The following PDE2A variants were observed in gnomAD, a reference collection of about 807,000 sequenced individuals.
PDE2A encodes the protein cGMP-dependent 3',5'-cyclic phosphodiesterase.
Under a neutral mutation model 133.6 loss-of-function variants are expected in PDE2A, and 53 were observed. That is an observed-to-expected ratio of 0.40 (90% CI 0.32 to 0.50). The LOEUF (loss-of-function observed/expected upper bound fraction) is 0.50. PDE2A is among the 20% of genes least tolerant of loss of function. The pLI, the probability that PDE2A is intolerant of heterozygous loss-of-function variation, is 0.73. For synonymous variants in PDE2A, 491 were observed against 490.2 expected (o/e 1.00, Z -0.02); for missense variants, 796 against 1,232.4 (o/e 0.65, Z 5.30).
intron 1 of PDE2A, among the ~76,000 whole-genome samples, chr11:72,672,756 T>C (rs187841229): frequency 7.2e-5 from 11 of 151,988 alleles, no homozygotes; most frequent in African/African-American, 2.7e-4. Context: ...AGCTATTTTA[T>C]GTCTAAGAAG....
At chr11:72,599,680 A>G (rs1856649972) in intron 4 of PDE2A, among the ~76,000 whole-genome samples, 1 of 152,216 alleles carries the variant, frequency 6.6e-6, no homozygotes, top group Non-Finnish European at 1.5e-5. Context: ...CAGAGCAAGA[A>G]TAAGTGTTCT....
intron 2 of PDE2A, among the ~76,000 whole-genome samples, chr11:72,641,485 T>C (rs183607619): frequency 6.6e-6 from 1 of 152,090 alleles, no homozygotes; most frequent in Non-Finnish European, 1.5e-5. Context: ...GAGACCAAGA[T>C]AGACCAAGAG....
chr11:72,667,253 A>G lies in PDE2A; in HGVS notation c.71+6884T>C, dbSNP rs1374321977. ...GAAGCTCACATTCAGGTACACATACACACACTGAGACACAAGCAATATCCC... is the reference window on the plus strand; with the variant it reads ...GAAGCTCACATTCAGGTACACATACGCACACTGAGACACAAGCAATATCCC... On this transcript the variant is annotated intron_variant, in intron 1 of 30. Coordinates refer to ENST00000334456, the MANE Select transcript of PDE2A (RefSeq NM_002599.5). Among the ~76,000 whole-genome samples the G allele has an allele frequency of 3.3e-5, 5 of 152,306 alleles. 1 individual carries two copies. Among genetic ancestry groups the G allele is most frequent in the Admixed American group, 2.6e-4 (4 of 15,298 alleles).
chr11:72,591,488 T>A (rs910883093), intron 6 of PDE2A, 132 bp from the exon 7 acceptor site: 1 of 689,340 alleles, frequency 1.5e-6, no homozygotes, highest in African/African-American at 1.7e-5. Flanking sequence ...GCCTCAGTGA[T>A]AACCCCATCT....
At position 72,590,673 on chromosome 11, in the gene PDE2A, T is replaced by C. The variant is rs917770835; in HGVS notation, c.550-93A>G. 7.3e-5 allele frequency: 87 copies of C among 1,191,298 alleles called. No homozygotes were observed. The highest frequency in any genetic ancestry group is 2.4e-4 in the Admixed American group (6 of 25,100). The allele number at this position is 1,191,298 out of a possible 1,614,324, so 73.8% of individuals were successfully genotyped here. On this transcript the variant is annotated intron_variant, in intron 7 of 30. Coordinates refer to ENST00000334456, the MANE Select transcript of PDE2A (RefSeq NM_002599.5). The surrounding 1 kb of genome is among the most constrained non-coding windows in gnomAD (Gnocchi z 4.8). ...CTGCCTTTGCTCCCGCCGTTCCCTC[T>C]GCCTGCCGGGCCCAGGGACCCCGCC... is the stretch of plus-strand genomic sequence containing the variant.
intron 2 of PDE2A, among the ~76,000 whole-genome samples, chr11:72,622,431 T>C (rs1431497799): frequency 6.6e-6 from 1 of 152,200 alleles, no homozygotes; most frequent in Non-Finnish European, 1.5e-5. Flanking sequence ...TTACTCACAA[T>C]AGCTAAAATG....
At chr11:72,584,165 T>G in intron 19 of PDE2A, 36 bp downstream of exon 19, 22 of 268,578 alleles carry the variant, frequency 8.2e-5, no homozygotes, top group East Asian at 2.3e-4. Context: ...CCCCGCCCCC[T>G]ATCACCCCAC....
At chr11:72,664,340 A>C (rs540045382) in intron 1 of PDE2A, among the ~76,000 whole-genome samples, 1 of 148,058 alleles carries the variant, frequency 6.8e-6, no homozygotes, top group Admixed American at 6.7e-5. Flanking sequence ...TCCCCTCTAC[A>C]AAATAGGGCT....
At chr11:72,671,101 T>C (rs1273763662) in intron 1 of PDE2A, among the ~76,000 whole-genome samples, 3 of 152,150 alleles carry the variant, frequency 2.0e-5, no homozygotes, top group Non-Finnish European at 1.5e-5. Context: ...TCCTTCAAGG[T>C]CCGGCTCAAA....
chr11:72,588,526 G>A (rs777682856), intron 13 of PDE2A, among the ~76,000 whole-genome samples: 1 of 152,150 alleles, frequency 6.6e-6, no homozygotes, highest in South Asian at 2.1e-4. Context: ...TAGCAGTAAT[G>A]CAAAAACAGG....
At chr11:72,642,552 C>T (rs1242218062) in intron 1 of PDE2A, 4 of 260,106 alleles carry the variant, frequency 1.5e-5, no homozygotes, top group Non-Finnish European at 2.4e-5. Context: ...CCGCACCTCT[C>T]GGCCCGTCGG....
chr11:72,612,709 A>C (rs1857268678), intron 2 of PDE2A, among the ~76,000 whole-genome samples: 1 of 138,792 alleles, frequency 7.2e-6, no homozygotes, highest in South Asian at 2.5e-4. Flanking sequence ...TGGTGGGTGG[A>C]TAGGTAGATG....
intron 2 of PDE2A, among the ~76,000 whole-genome samples, chr11:72,622,669 A>G (rs902921576): frequency 3.3e-5 from 5 of 152,206 alleles, no homozygotes; most frequent in African/African-American, 1.2e-4. Flanking sequence ...CAGAAAGTAG[A>G]ATGGTGGGTG....
chr11:72,656,413 G>C (rs1854903430), intron 1 of PDE2A, among the ~76,000 whole-genome samples: 1 of 152,240 alleles, frequency 6.6e-6, no homozygotes, highest in South Asian at 2.1e-4. Context: ...GCCTAACTCA[G>C]CCAAAGGCTC....
At chr11:72,608,839 AG>A (rs1857084804) in intron 2 of PDE2A, 88 bp from the exon 3 acceptor site, 1 of 709,934 alleles carries the variant, frequency 1.4e-6, no homozygotes, top group African/African-American at 1.8e-5. Context: ...AAAACCCCCC[AG>A]CTTAGTCCAG....
intron 2 of PDE2A, among the ~76,000 whole-genome samples, chr11:72,620,829 G>C (rs55861597): frequency 3.3e-5 from 5 of 151,512 alleles, no homozygotes; most frequent in African/African-American, 4.9e-5. Flanking sequence ...TGGGCAGGAG[G>C]GGGTATCGCT....
intron 1 of PDE2A, among the ~76,000 whole-genome samples, chr11:72,655,304 C>T (rs1054849426): frequency 8.3e-4 from 91 of 110,014 alleles, no homozygotes; most frequent in African/African-American, 3.2e-3. Context: ...GAGGCTGCTG[C>T]CTCCCTGCAG....
intron 25 of PDE2A, chr11:72,580,036 G>C (rs1855650173): frequency 4.9e-6 from 1 of 204,630 alleles, no homozygotes; most frequent in South Asian, 1.2e-4. Flanking sequence ...GCTTATCTCA[G>C]GGGGGCAGAG....
intron 19 of PDE2A, 128 bp downstream of exon 19, chr11:72,584,073 G>A (rs980375369): frequency 1.8e-5 from 11 of 625,492 alleles, no homozygotes; most frequent in African/African-American, 1.5e-4. Context: ...GCACCCCAGC[G>A]GCGGGACTCT....
Sources: gnomAD v4.1 joint callset for allele counts (sites outside exome capture counted in the v4.1 genomes callset) on GRCh38, gnomAD v4.1.1 for gene constraint, Gnocchi (gnomAD v3.1) non-coding constraint, MANE v1.5 for transcripts, NCBI Gene and HGNC (gene_info 2026-07-23, HGNC 2026-07-21) for gene names.